Variants in FRMPD4 observed in about 807,000 individuals in gnomAD.
The protein encoded by FRMPD4 is FERM and PDZ domain containing 4.
In FRMPD4, 22 loss-of-function variants were observed where a neutral mutation model predicts 94.1. That is an observed-to-expected ratio of 0.23 (90% CI 0.17 to 0.33). The LOEUF is 0.33. FRMPD4 is among the 10% of genes least tolerant of loss of function. The pLI is 1.00. For synonymous variants in FRMPD4, 631 were observed against 548.6 expected, an observed-to-expected ratio of 1.15 and a Z score of -2.10; for missense variants, 1,111 against 1,339.9, an observed-to-expected ratio of 0.83 and a Z score of 2.67.
intron 1 of FRMPD4, among the ~76,000 whole-genome samples, chrX:12,471,045 A>C (rs1259894667): frequency 1.8e-5 from 2 of 112,384 alleles, no homozygotes; most frequent in African/African-American, 3.2e-5. Flanking sequence ...TGTTTTGTTC[A>C]TGCAAACTTT....
At position 11,922,412 on chromosome X, in the gene FRMPD4, G is replaced by A. The variant is rs1350753122; in HGVS notation, c.95+44394G>A. ...AACAGGATGGTGCTAAACCTTTCAT[G>A]AGAAACCTACCCCCATCATCCAGTC... On this transcript the variant is annotated intron_variant, in intron 3 of 18. Transcript: ENST00000640291. Among the ~76,000 whole-genome samples, 5 of 111,601 alleles carry A rather than the reference G, an allele frequency of 4.5e-5. No homozygotes were observed. In the South Asian group the frequency reaches 1.5e-3, roughly 34 times the overall value.
At chrX:12,093,146 T>C (rs552834088) in intron 3 of FRMPD4, among the ~76,000 whole-genome samples, 48 of 111,415 alleles carry the variant, frequency 4.3e-4, no homozygotes, top group Middle Eastern at 9.2e-3. Context: ...AGTGGGGAAC[T>C]GCCCAGACAG....
At chrX:12,663,139 C>T (rs775987262) in intron 4 of FRMPD4, among the ~76,000 whole-genome samples, 63 of 111,942 alleles carry the variant, frequency 5.6e-4, no homozygotes, top group Non-Finnish European at 9.4e-4. Flanking sequence ...GAATTTTCTT[C>T]CACTATGTAG....
intron 1 of FRMPD4, among the ~76,000 whole-genome samples, chrX:12,424,359 A>G (rs1427285294): frequency 8.9e-6 from 1 of 112,937 alleles, no homozygotes; most frequent in Non-Finnish European, 1.9e-5. Flanking sequence ...ATAATATGCT[A>G]TTCCTTGAAT....
chrX:12,673,324 T>A (rs2059862690), intron 4 of FRMPD4, among the ~76,000 whole-genome samples: 1 of 112,193 alleles, frequency 8.9e-6, no homozygotes, highest in African/African-American at 3.2e-5. Flanking sequence ...CAGTGCTTTG[T>A]TTCTGTTTGT....
At chrX:12,439,973 T>A (rs1413688786) in intron 1 of FRMPD4, among the ~76,000 whole-genome samples, 3 of 112,017 alleles carry the variant, frequency 2.7e-5, no homozygotes, top group Non-Finnish European at 3.8e-5. Flanking sequence ...GTCTCAAATG[T>A]GAGTTGCAAA....
chrX:11,881,378 C>T (rs1452131750), intron 3 of FRMPD4, among the ~76,000 whole-genome samples: 1 of 112,043 alleles, frequency 8.9e-6, no homozygotes, highest in Non-Finnish European at 1.9e-5. Context: ...ATCAAAATTG[C>T]CCCAGACTGG....
At chrX:12,706,964 A>T in intron 12 of FRMPD4, 49 bp downstream of exon 12, 1 of 648,832 alleles carries the variant, frequency 1.5e-6, no homozygotes. Flanking sequence ...AAGCCACAGC[A>T]GCTCATTCCG....
intron 3 of FRMPD4, among the ~76,000 whole-genome samples, chrX:12,103,772 C>G (rs970719473): frequency 9.0e-6 from 1 of 111,521 alleles, no homozygotes; most frequent in Non-Finnish European, 1.9e-5. Flanking sequence ...TGCTTGTATT[C>G]TACCACCAGA....
chrX:12,369,660 G>A (rs1028793645), intron 1 of FRMPD4, among the ~76,000 whole-genome samples: 1 of 112,286 alleles, frequency 8.9e-6, no homozygotes, highest in Non-Finnish European at 1.9e-5. Context: ...AACGTAAGTA[G>A]GAATTCAATA....
chrX:12,046,240 A>G (rs1281464565), intron 3 of FRMPD4, among the ~76,000 whole-genome samples: 6 of 111,331 alleles, frequency 5.4e-5, no homozygotes, highest in Non-Finnish European at 1.1e-4. Context: ...TCTGGACCAC[A>G]TTCTTCAACC....
intron 1 of FRMPD4, among the ~76,000 whole-genome samples, chrX:12,407,418 C>A (rs2056679274): frequency 8.9e-6 from 1 of 111,878 alleles, no homozygotes; most frequent in Admixed American, 9.5e-5. Context: ...GCTCCACCAT[C>A]TACAAGCTGT....
chrX:12,416,649 CT>C (rs2148075494), intron 1 of FRMPD4, among the ~76,000 whole-genome samples: 1 of 112,132 alleles, frequency 8.9e-6, no homozygotes, highest in South Asian at 3.7e-4. Context: ...GATATTTCAA[CT>C]TGTGTCTTAT....
intron 4 of FRMPD4, among the ~76,000 whole-genome samples, chrX:12,620,695 T>C (rs1362079722): frequency 8.9e-6 from 1 of 112,428 alleles, no homozygotes; most frequent in Non-Finnish European, 1.9e-5. Context: ...TCACATGATC[T>C]AGCTCTACTG....
chrX:12,153,679 T>C (rs1054539495), intron 1 of FRMPD4, among the ~76,000 whole-genome samples: 3 of 112,539 alleles, frequency 2.7e-5, no homozygotes, highest in African/African-American at 9.7e-5. Context: ...CAAGAACATA[T>C]ATGCATAACA....
At chrX:12,255,432 C>T (rs754789353) in intron 1 of FRMPD4, among the ~76,000 whole-genome samples, 2 of 111,479 alleles carry the variant, frequency 1.8e-5, no homozygotes, top group Non-Finnish European at 3.8e-5. Flanking sequence ...GTTCCATAGT[C>T]AGCATTTCAG....
intron 4 of FRMPD4, among the ~76,000 whole-genome samples, chrX:12,660,592 C>G (rs1200591626): frequency 8.9e-6 from 1 of 112,426 alleles, no homozygotes; most frequent in East Asian, 2.8e-4. Flanking sequence ...TGTTGAATTT[C>G]AAAACTGTTT....
chrX:11,966,224 T>C (rs947292818), intron 3 of FRMPD4, among the ~76,000 whole-genome samples: 2 of 111,157 alleles, frequency 1.8e-5, no homozygotes, highest in Admixed American at 9.5e-5. Flanking sequence ...CTAATCCCTA[T>C]TGTGGTTATA....
At chrX:12,531,561 A>C (rs189836419) in intron 2 of FRMPD4, among the ~76,000 whole-genome samples, 10 of 111,702 alleles carry the variant, frequency 9.0e-5, no homozygotes, top group African/African-American at 3.2e-4. Context: ...CACATTTCTA[A>C]TAAGCTTCCA....
Sources: allele counts gnomAD v4.1 joint callset (sites outside exome capture counted in the v4.1 genomes callset), GRCh38; gene constraint gnomAD v4.1.1; transcripts MANE v1.5; gene names NCBI Gene and HGNC (gene_info 2026-07-23, HGNC 2026-07-21).